The following KANSL1L variants were observed in gnomAD, a reference collection of about 807,000 sequenced individuals.
KANSL1L encodes the protein KAT8 regulatory NSL complex subunit 1-like protein.
KANSL1L carries 25 observed loss-of-function variants against 108.6 expected under a neutral mutation model. That is an observed-to-expected ratio of 0.23 (90% CI 0.17 to 0.32). The LOEUF is 0.32. Ranked by LOEUF, KANSL1L falls within the 10% of genes least tolerant of loss-of-function variation. KANSL1L has a pLI of 1.00. For missense variants in KANSL1L, 1,137 were observed against 1,125.7 expected, an observed-to-expected ratio of 1.01 and a Z score of -0.14; for synonymous variants, 405 against 395.1, an observed-to-expected ratio of 1.03 and a Z score of -0.30.
chr2:210,134,298 T>C (rs1328574529), intron 2 of KANSL1L, among the ~76,000 whole-genome samples: 4 of 152,150 alleles, frequency 2.6e-5, no homozygotes, highest in Non-Finnish European at 5.9e-5. Flanking sequence ...CTTGAGCATA[T>C]TTACAATAGA....
intron 6 of KANSL1L, among the ~76,000 whole-genome samples, chr2:210,050,764 C>G (rs2094283304): frequency 6.6e-6 from 1 of 151,572 alleles, no homozygotes; most frequent in Non-Finnish European, 1.5e-5. Context: ...ACTTGGGAGG[C>G]AGAGGTGCAG....
rs919642352 is a variant in KANSL1L, at chr2:210,021,605, C to T, written c.*1344G>A. Reference sequence around the variant, plus strand: ...TGTCAGTATTGAATTGAATTTTTTACCCCTTAAAAGGACTAGTATAATTTC... The same window carrying T: ...TGTCAGTATTGAATTGAATTTTTTATCCCTTAAAAGGACTAGTATAATTTC... On this transcript the variant is annotated 3_prime_UTR_variant, in exon 15 of 15. Coordinates refer to ENST00000281772, the MANE Select transcript of KANSL1L (RefSeq NM_152519.4). The T allele has an allele frequency of 3.9e-5, 6 of 152,376 alleles. No homozygotes were observed. The highest frequency in any genetic ancestry group is 1.2e-4 in the African/African-American group (5 of 41,402). 9.4% of individuals were successfully genotyped at this position (152,376 alleles called of 1,614,324 possible).
In KANSL1L at chr2:210,158,072, G is replaced by A. The variant is rs185396449; in HGVS notation, c.-29-3461C>T. 3.1e-4 allele frequency among the ~76,000 whole-genome samples: 47 copies of A among 152,280 alleles called. 1 individual carries two copies. The highest frequency in any genetic ancestry group is 5.9e-4 in the Admixed American group (9 of 15,290). ...ATCTCTAGGGCTTACCGGTAGGACA[G>A]GTAGCTTCCAAAATAACCTTAATAA... is the stretch of plus-strand genomic sequence containing the variant. On this transcript the variant is annotated intron_variant, in intron 1 of 14. Transcript: ENST00000281772.
At chr2:210,170,968 CG>C (rs1280414983) in intron 1 of KANSL1L, among the ~76,000 whole-genome samples, 180 bp downstream of exon 1, 8 of 151,956 alleles carry the variant, frequency 5.3e-5, no homozygotes, top group Non-Finnish European at 1.2e-4. Context: ...CGCCCTAGAG[CG>C]CGATCCCGTG....
At chr2:210,091,908 C>CA (rs1286017329) in intron 5 of KANSL1L, among the ~76,000 whole-genome samples, 1 of 152,158 alleles carries the variant, frequency 6.6e-6, no homozygotes, top group East Asian at 1.9e-4. Flanking sequence ...CCTTCACACT[C>CA]AGACTTGAAA....
intron 8 of KANSL1L, among the ~76,000 whole-genome samples, chr2:210,037,280 A>G (rs945121441): frequency 2.0e-5 from 3 of 152,188 alleles, no homozygotes; most frequent in Admixed American, 1.3e-4. Flanking sequence ...TTCCGTGATT[A>G]GAAACAATGT....
intron 5 of KANSL1L, among the ~76,000 whole-genome samples, chr2:210,091,832 T>C (rs930621842): frequency 2.6e-5 from 4 of 152,182 alleles, no homozygotes; most frequent in African/African-American, 9.7e-5. Context: ...CTGCCCAAAG[T>C]ATATCCTTTA....
chr2:210,157,453 T>C (rs2095339892), intron 1 of KANSL1L, among the ~76,000 whole-genome samples: 1 of 151,960 alleles, frequency 6.6e-6, no homozygotes, highest in Admixed American at 6.6e-5. Context: ...ACAAGCACTT[T>C]GGGAAGTCAA....
chr2:210,023,278 C>A, intron 14 of KANSL1L, 99 bp from the exon 15 acceptor site: 1 of 811,164 alleles, frequency 1.2e-6, no homozygotes, highest in South Asian at 1.7e-5. Context: ...AATAATTGTT[C>A]TGTTCTTTAG....
chr2:210,081,626 G>C lies in KANSL1L; in HGVS notation c.1551-5870C>G, dbSNP rs80252706. On this transcript the variant is annotated intron_variant, in intron 5 of 14. Transcript: ENST00000281772. ...GTCTATTTTGTTTATCCTTGCATCA[G>C]AAATTCCTGATATTATGCCTTACAT... Among the ~76,000 whole-genome samples the C allele has an allele frequency of 5.0e-4, 76 of 152,302 alleles. 2 individuals carry two copies. The East Asian group carries it at 0.014, about 29-fold the overall frequency.
chr2:210,167,870 T>C (rs1422458991), intron 1 of KANSL1L, among the ~76,000 whole-genome samples: 1 of 151,992 alleles, frequency 6.6e-6, no homozygotes, highest in Non-Finnish European at 1.5e-5. Flanking sequence ...GCAAGTTTAA[T>C]AGTACCGTTT....
At chr2:210,045,227 T>C (rs2094211073) in intron 6 of KANSL1L, among the ~76,000 whole-genome samples, 1 of 152,190 alleles carries the variant, frequency 6.6e-6, no homozygotes, top group Admixed American at 6.5e-5. Context: ...TGATTCCTAC[T>C]TTGCTTTAAG....
At chr2:210,038,078 TA>T (rs1183062575) in intron 8 of KANSL1L, among the ~76,000 whole-genome samples, 1 of 152,138 alleles carries the variant, frequency 6.6e-6, no homozygotes, top group Admixed American at 6.5e-5. Flanking sequence ...ACTTTTAAGA[TA>T]TTTTTTAAGG....
intron 3 of KANSL1L, among the ~76,000 whole-genome samples, chr2:210,108,658 C>G (rs184863407): frequency 1.3e-5 from 2 of 150,708 alleles, no homozygotes; most frequent in Non-Finnish European, 3.0e-5. Context: ...GGAAAATGAT[C>G]AAAGAGGAGA....
chr2:210,040,086 C>T (rs2094147736), intron 8 of KANSL1L, among the ~76,000 whole-genome samples: 1 of 151,772 alleles, frequency 6.6e-6, no homozygotes, highest in Admixed American at 6.6e-5. Flanking sequence ...TCTATGAGAA[C>T]TTCGAGTTAC....
chr2:210,077,988 G>A (rs62201631), intron 5 of KANSL1L, among the ~76,000 whole-genome samples: 59,526 of 152,050 alleles, frequency 0.39, 13,266 homozygotes, highest in Middle Eastern at 0.56. Flanking sequence ...GCATCGTTAG[G>A]TTATTTTTTA....
chr2:210,029,121 C>A (rs1175170563), intron 10 of KANSL1L, 152 bp from the exon 11 acceptor site: 3 of 589,844 alleles, frequency 5.1e-6, no homozygotes, highest in South Asian at 2.4e-5. Context: ...TTAAGAAAAC[C>A]AAAAAATAAA....
At chr2:210,141,729 T>C (rs2095230813) in intron 2 of KANSL1L, among the ~76,000 whole-genome samples, 2 of 152,338 alleles carry the variant, frequency 1.3e-5, no homozygotes, top group Middle Eastern at 3.4e-3. Flanking sequence ...TGGCCTTTAT[T>C]GGTAGAGGTA....
intron 5 of KANSL1L, among the ~76,000 whole-genome samples, chr2:210,084,357 G>C (rs2094617192): frequency 6.6e-6 from 1 of 152,094 alleles, no homozygotes; most frequent in Admixed American, 6.5e-5. Flanking sequence ...AGGAAATGGA[G>C]GTTGCAGTGA....
Sources: allele counts gnomAD v4.1 joint callset (sites outside exome capture counted in the v4.1 genomes callset), GRCh38; gene constraint gnomAD v4.1.1; transcripts MANE v1.5; gene names NCBI Gene and HGNC (gene_info 2026-07-23, HGNC 2026-07-21).